The following UBE2O variants were observed in gnomAD, a reference collection of about 807,000 sequenced individuals.
UBE2O encodes (E3-independent) E2 ubiquitin-conjugating enzyme.
Under a neutral mutation model 125.8 loss-of-function variants are expected in UBE2O, and 15 were observed. That is an observed-to-expected ratio of 0.12 (90% CI 0.08 to 0.18). The LOEUF (loss-of-function observed/expected upper bound fraction) is 0.18, where lower values mean the gene tolerates loss of function less well. Ranked by LOEUF, UBE2O falls within the 10% of genes least tolerant of loss-of-function variation. The pLI is 1.00. For missense variants in UBE2O, 1,280 were observed against 1,723.6 expected, an observed-to-expected ratio of 0.74 and a Z score of 4.56; for synonymous variants, 708 against 703.2, an observed-to-expected ratio of 1.01 and a Z score of -0.11.
chr17:76,429,026 C>T (rs781304812), intron 1 of UBE2O, among the ~76,000 whole-genome samples: 5 of 151,644 alleles, frequency 3.3e-5, no homozygotes, highest in Non-Finnish European at 5.9e-5. Flanking sequence ...CTCAGCCTCC[C>T]GAGTAGCTGG....
In UBE2O at chr17:76,404,304, G is replaced by A. The variant is rs1198440400; in HGVS notation, c.588+902C>T. On this transcript the variant is annotated intron_variant, in intron 3 of 17. Transcript: ENST00000319380. The surrounding 1 kb of genome is among the most constrained non-coding windows in gnomAD (Gnocchi z 4.3). The stretch of plus-strand genomic sequence containing the variant: ...CACCAACATGACCAGGGGTAAAAGT[G>A]AACAACCCCAGCACTTTGGCTATGG... 6.6e-6 allele frequency among the ~76,000 whole-genome samples: 1 copy of A among 152,192 alleles called. No individual in the cohort carries two copies. Among genetic ancestry groups the A allele is most frequent in the Non-Finnish European group, 1.5e-5 (1 of 68,036 alleles).
chr17:76,399,423 G>C lies in UBE2O; in HGVS notation c.1628+26C>G. 1 of 1,604,546 alleles carries C rather than the reference G, an allele frequency of 6.2e-7. No individual in the cohort carries two copies. The highest frequency in any genetic ancestry group is 8.5e-7 in the Non-Finnish European group (1 of 1,172,800). On this transcript the variant is annotated intron_variant, in intron 9 of 17. Transcript: ENST00000319380. The surrounding 1 kb of genome is among the most constrained non-coding windows in gnomAD (Gnocchi z 6.9). ...TGCCTGGCTTCACGCTGACGCCATT[G>C]GGGAGGGGCACAACTCTGAGTTTAC...
In UBE2O at chr17:76,392,124, A is replaced by T; in HGVS notation, c.2947-11T>A. On this transcript the variant is annotated splice_polypyrimidine_tract_variant and intron_variant, in intron 15 of 17. Coordinates refer to ENST00000319380, the MANE Select transcript of UBE2O (RefSeq NM_022066.4). ...AGCTGAGAAGAGGTCCTAGGTAGGGAGGGAGGGAGGGAGGCCAAGGTTGGC... is the reference window on the plus strand; with the variant it reads ...AGCTGAGAAGAGGTCCTAGGTAGGGTGGGAGGGAGGGAGGCCAAGGTTGGC... 1 of 400,520 alleles carries T rather than the reference A, an allele frequency of 2.5e-6. No homozygotes were observed. The highest frequency in any genetic ancestry group is 4.8e-6 in the Non-Finnish European group (1 of 206,622). 24.8% of individuals were successfully genotyped at this position (400,520 alleles called of 1,614,324 possible). A position where few individuals can be genotyped will look rare whatever the true frequency, so the allele number is the denominator to read the frequency against.
intron 1 of UBE2O, among the ~76,000 whole-genome samples, chr17:76,406,758 G>A (rs1486860146): frequency 2.3e-5 from 3 of 129,606 alleles, no homozygotes; most frequent in African/African-American, 6.1e-5. Flanking sequence ...GGAGTGCAAT[G>A]GCGCAGTCTC....
rs147792246 is a variant in UBE2O, at chr17:76,441,286, C to T, written c.417+11439G>A. ...GGGTGTGTTATACTCAAAACAACTA[C>T]CATATTTACATCCTAAAATGAAATG... On this transcript the variant is annotated intron_variant, in intron 1 of 17. Transcript: ENST00000319380. Among the ~76,000 whole-genome samples, 15 of 152,306 alleles carry T rather than the reference C, an allele frequency of 9.8e-5. No homozygotes were observed. In the East Asian group the frequency reaches 2.5e-3, roughly 25 times the overall value.
intron 1 of UBE2O, among the ~76,000 whole-genome samples, chr17:76,422,979 G>A (rs2072735114): frequency 6.6e-6 from 1 of 152,236 alleles, no homozygotes; most frequent in Non-Finnish European, 1.5e-5. Flanking sequence ...AGCAATGCCT[G>A]ATGCTGCTGA....
chr17:76,436,041 G>A (rs1265678373), intron 1 of UBE2O, among the ~76,000 whole-genome samples: 1 of 152,230 alleles, frequency 6.6e-6, no homozygotes, highest in Non-Finnish European at 1.5e-5. Flanking sequence ...GAGCTCAGGA[G>A]TATGAGACTA....
intron 1 of UBE2O, among the ~76,000 whole-genome samples, chr17:76,416,117 A>G (rs1427481848): frequency 1.3e-5 from 2 of 151,718 alleles, no homozygotes; most frequent in East Asian, 1.9e-4. Context: ...GTGTATACAT[A>G]TATACATATA....
chr17:76,447,988 T>C (rs1246355970), intron 1 of UBE2O, among the ~76,000 whole-genome samples: 3 of 152,190 alleles, frequency 2.0e-5, no homozygotes, highest in East Asian at 3.8e-4. Context: ...GTTAGGAAGA[T>C]AGACCTCTTA....
intron 15 of UBE2O, among the ~76,000 whole-genome samples, chr17:76,394,494 G>A (rs948291301): frequency 4.6e-5 from 7 of 152,194 alleles, no homozygotes; most frequent in Non-Finnish European, 5.9e-5. Flanking sequence ...AGGTAAAAAG[G>A]AAGAAACTAG....
In UBE2O at chr17:76,404,870, CT is replaced by C. The variant is rs1008046859; in HGVS notation, c.588+335del. Among the ~76,000 whole-genome samples, 2 of 151,892 alleles carry C rather than the reference CT, an allele frequency of 1.3e-5. No individual in the cohort carries two copies. The highest frequency in any genetic ancestry group is 2.9e-5 in the Non-Finnish European group (2 of 67,992). ...GATGGAGGGACACAGGAATTTACAACTTTTGGTAAGTTTGAAATCATTAAAA... is the reference window on the plus strand; with the variant it reads ...GATGGAGGGACACAGGAATTTACAACTTTGGTAAGTTTGAAATCATTAAAA... On this transcript the variant is annotated intron_variant, in intron 3 of 17. Coordinates refer to ENST00000319380, the MANE Select transcript of UBE2O (RefSeq NM_022066.4). This position sits in a 1 kb window ranked among gnomAD's most constrained non-coding sequence, Gnocchi z 4.3.
chr17:76,402,719 G>A lies in UBE2O; in HGVS notation c.589-20C>T, dbSNP rs1567836363. 1 of 1,599,736 alleles carries A rather than the reference G, an allele frequency of 6.3e-7. No homozygotes were observed. Among genetic ancestry groups the A allele is most frequent in the Non-Finnish European group, 8.6e-7 (1 of 1,166,954 alleles). On this transcript the variant is annotated intron_variant, in intron 3 of 17. Transcript: ENST00000319380. This position sits in a 1 kb window ranked among gnomAD's most constrained non-coding sequence, Gnocchi z 5.4. ...GAAGGGCTGCAGACCAAGGAGGCAG[G>A]GGCAGTGAGACACAGCAGACAACGT...
intron 1 of UBE2O, among the ~76,000 whole-genome samples, chr17:76,421,460 G>A (rs975509655): frequency 3.9e-5 from 6 of 152,002 alleles, no homozygotes; most frequent in Admixed American, 2.0e-4. Flanking sequence ...CTGCTTCCCC[G>A]GTTCAAGCGA....
In UBE2O at chr17:76,402,069, C is replaced by T. The variant is rs900820190; in HGVS notation, c.745G>A (p.Asp249Asn). 33 of 1,613,566 alleles carry T rather than the reference C, an allele frequency of 2.0e-5. No homozygotes were observed. The highest frequency in any genetic ancestry group is 2.5e-5 in the Non-Finnish European group (30 of 1,179,968). The change falls in exon 5 of 18, where the codon GAC (aspartate) becomes AAC (asparagine). Residue 249 changes from aspartate to asparagine, a missense_variant. Asp to Asn is a conservative substitution (Grantham distance 23). This residue lies in a region of UBE2O where 206 missense variants were observed against 315.7 expected (regional missense o/e 0.65). Transcript: ENST00000319380. The surrounding 1 kb of genome is among the most constrained non-coding windows in gnomAD (Gnocchi z 5.4). Reference protein sequence around the residue: ...KLYDVCPHVSDSGLFFDDSYG... With the variant: ...KLYDVCPHVSNSGLFFDDSYG... ...GCCTGGATGGAGCACACTACCGAGT[C>T]GCTGACGTGCGGGCAGACGTCGTAG...
At position 76,400,374 on chromosome 17, in the gene UBE2O, T is replaced by G; in HGVS notation, c.1004+67A>C. 1 of 1,594,032 alleles carries G rather than the reference T, an allele frequency of 6.3e-7. No individual in the cohort carries two copies. The highest frequency in any genetic ancestry group is 1.3e-5 in the African/African-American group (1 of 74,494). ...CAGTGTTCTTAAGCCTCCCCAGGCA[T>G]GTGACCAGGGCCCAGAGCCCTGTCC... On this transcript the variant is annotated intron_variant, in intron 7 of 17. Transcript: ENST00000319380. The surrounding 1 kb of genome is among the most constrained non-coding windows in gnomAD (Gnocchi z 4.3).
In UBE2O at chr17:76,398,785, G is replaced by A. The variant is rs996321125; in HGVS notation, c.1783+52C>T. ...GCCCATTCTCCACAAGCCCCAACCC[G>A]GGCCCTCATTGGCGACCACCCTGCT... is the stretch of plus-strand genomic sequence containing the variant. On this transcript the variant is annotated intron_variant, in intron 10 of 17. Transcript: ENST00000319380. This position sits in a 1 kb window ranked among gnomAD's most constrained non-coding sequence, Gnocchi z 5.4. 15 of 1,595,518 alleles carry A rather than the reference G, an allele frequency of 9.4e-6. No individual in the cohort carries two copies. The highest frequency in any genetic ancestry group is 4.5e-5 in the East Asian group (2 of 44,748).
At chr17:76,446,462 C>A (rs11658225) in intron 1 of UBE2O, among the ~76,000 whole-genome samples, 86,766 of 151,462 alleles carry the variant, frequency 0.57, 26,144 homozygotes, top group South Asian at 0.68. Context: ...CAAAAACAAA[C>A]AAAAAAAAAA....
chr17:76,431,100 G>T, intron 1 of UBE2O: 1 of 179,706 alleles, frequency 5.6e-6, no homozygotes, highest in South Asian at 1.1e-4. Flanking sequence ...ACAGGAAGCT[G>T]CTGCTTCTCT....
At chr17:76,416,002 C>A (rs954940820) in intron 1 of UBE2O, among the ~76,000 whole-genome samples, 1 of 134,922 alleles carries the variant, frequency 7.4e-6, no homozygotes, top group East Asian at 2.0e-4. Flanking sequence ...CACGTATATA[C>A]GTATGTGTAT....
Sources: allele counts gnomAD v4.1 joint callset (sites outside exome capture counted in the v4.1 genomes callset), GRCh38; gene constraint gnomAD v4.1.1; regional missense constraint gnomAD v4.1.1; non-coding constraint Gnocchi (gnomAD v3.1); transcripts MANE v1.5; gene names NCBI Gene and HGNC (gene_info 2026-07-23, HGNC 2026-07-21).